Variants in MAST2 observed in about 807,000 individuals in gnomAD.
MAST2 encodes the protein microtubule-associated serine/threonine-protein kinase 2.
A neutral mutation model predicts 147.4 loss-of-function variants in MAST2; 70 were observed. That is an observed-to-expected ratio of 0.47 (90% CI 0.39 to 0.58). The LOEUF is 0.58. Among genes scored for constraint, MAST2 ranks in the 20% least tolerant of loss-of-function variants. MAST2 has a pLI of 0.00. For synonymous variants in MAST2, 869 were observed against 896.8 expected (o/e 0.97, Z 0.55); for missense variants, 2,080 against 2,302.3 (o/e 0.90, Z 1.98).
intron 4 of MAST2, among the ~76,000 whole-genome samples, chr1:45,917,097 T>C (rs909245238): frequency 9.2e-5 from 14 of 152,134 alleles, no homozygotes; most frequent in African/African-American, 3.4e-4. Flanking sequence ...AAAATAAAAA[T>C]AAATAACAAA....
At chr1:45,835,012 A>G (rs1290291932) in intron 3 of MAST2, among the ~76,000 whole-genome samples, 3 of 151,866 alleles carry the variant, frequency 2.0e-5, no homozygotes, top group African/African-American at 7.3e-5. Flanking sequence ...TTCCATTTGT[A>G]CACAGTTCTT....
intron 1 of MAST2, among the ~76,000 whole-genome samples, chr1:45,823,206 T>C (rs1260974313): frequency 6.6e-6 from 1 of 150,714 alleles, no homozygotes; most frequent in South Asian, 2.1e-4. Flanking sequence ...TTTTTTTCTT[T>C]TTTTTTTTTT....
chr1:46,021,662 TG>T (rs1420733848), intron 11 of MAST2, among the ~76,000 whole-genome samples: 1 of 152,248 alleles, frequency 6.6e-6, no homozygotes, highest in African/African-American at 2.4e-5. Context: ...ATGGAAAGCA[TG>T]GGACCAGATC....
chr1:46,028,739 C>A (rs1371419106), intron 17 of MAST2, 29 bp from the exon 18 acceptor site: 1 of 1,613,340 alleles, frequency 6.2e-7, no homozygotes, highest in East Asian at 2.2e-5. Context: ...CCTCAGGAGG[C>A]TGAGCCAGCC....
chr1:46,011,084 A>G, intron 10 of MAST2, 145 bp downstream of exon 10: 1 of 673,060 alleles, frequency 1.5e-6, no homozygotes. Flanking sequence ...TGAGGGACTT[A>G]GATTCCTCCT....
intron 5 of MAST2, among the ~76,000 whole-genome samples, chr1:45,995,206 C>T (rs1645010391): frequency 2.0e-5 from 3 of 152,166 alleles, no homozygotes; most frequent in African/African-American, 7.2e-5. Context: ...GAGAAATCTG[C>T]TATAATCCTT....
chr1:45,840,523 CTGT>C (rs1207820011), intron 3 of MAST2, among the ~76,000 whole-genome samples: 1 of 152,170 alleles, frequency 6.6e-6, no homozygotes, highest in Non-Finnish European at 1.5e-5. Context: ...CTTTAAGCCT[CTGT>C]TTTCTCATCT....
At chr1:45,822,437 G>A (rs540490983) in intron 1 of MAST2, among the ~76,000 whole-genome samples, 52 of 152,144 alleles carry the variant, frequency 3.4e-4, no homozygotes, top group African/African-American at 1.1e-3. Context: ...CCTCTCCTCT[G>A]TTATCTGGTT....
intron 8 of MAST2, 77 bp downstream of exon 8, chr1:46,006,472 A>G (rs113995555): frequency 0.024 from 34,018 of 1,445,528 alleles, 531 homozygotes; most frequent in Non-Finnish European, 0.028. Flanking sequence ...TGGGCACACT[A>G]TGCTATAAGG....
chr1:45,890,418 G>C (rs976764888), intron 4 of MAST2, among the ~76,000 whole-genome samples: 8 of 152,366 alleles, frequency 5.3e-5, no homozygotes, highest in Middle Eastern at 6.8e-3. Context: ...CTGGCTTGCA[G>C]AGAGTGGCCT....
chr1:45,841,440 CAT>C (rs1230317145), intron 3 of MAST2, among the ~76,000 whole-genome samples: 2 of 151,574 alleles, frequency 1.3e-5, no homozygotes, highest in Admixed American at 6.6e-5. Context: ...GAAATATATA[CAT>C]ATATATATTT....
chr1:45,828,037 C>T (rs759957030), intron 2 of MAST2, among the ~76,000 whole-genome samples: 12 of 151,854 alleles, frequency 7.9e-5, no homozygotes, highest in Non-Finnish European at 1.3e-4. Flanking sequence ...TGCTATGTAG[C>T]GGAGGCTGGT....
Position 46,033,933 on chromosome 1 carries a change from A to G in MAST2, c.3669A>G (p.Gln1223=). Residue 1223 remains glutamine (Q), a synonymous_variant, in exon 27 of 29, where the codon CAA becomes CAG. Coordinates refer to ENST00000361297, the MANE Select transcript of MAST2 (RefSeq NM_015112.3). ...RSKRSRGKDG[Q]ESRKRSSLFR... ...AGAGGAGCCGCGGCAAGGATGGGCAAGAAAGGTGAGCCAGGCGCAGTGAAG... is the reference window on the plus strand; with the variant it reads ...AGAGGAGCCGCGGCAAGGATGGGCAGGAAAGGTGAGCCAGGCGCAGTGAAG... 1 of 1,614,064 alleles carries G rather than the reference A, an allele frequency of 6.2e-7. No homozygotes were observed. Among genetic ancestry groups the G allele is most frequent in the Non-Finnish European group, 8.5e-7 (1 of 1,179,932 alleles).
intron 7 of MAST2, among the ~76,000 whole-genome samples, chr1:46,004,361 CAA>C (rs60013733): frequency 0.033 from 3,756 of 113,256 alleles, 108 homozygotes; most frequent in East Asian, 0.083. Context: ...AAGACTATCT[CAA>C]AAAAAAAAAA....
At chr1:45,943,011 G>A (rs1421455730) in intron 4 of MAST2, among the ~76,000 whole-genome samples, 3 of 152,168 alleles carry the variant, frequency 2.0e-5, no homozygotes, top group South Asian at 2.1e-4. Flanking sequence ...CCCCAATTCT[G>A]TCCTGGAGAA....
intron 3 of MAST2, among the ~76,000 whole-genome samples, chr1:45,874,848 A>G (rs1189367567): frequency 3.9e-5 from 6 of 152,262 alleles, no homozygotes; most frequent in African/African-American, 9.6e-5. Flanking sequence ...TGGATAATAT[A>G]TGGAAGGAGG....
intron 4 of MAST2, among the ~76,000 whole-genome samples, chr1:45,888,698 T>TTTTTTTTTTTTG (rs1647214492): frequency 1.2e-5 from 1 of 80,666 alleles, no homozygotes; most frequent in Non-Finnish European, 2.4e-5. Flanking sequence ...TTTTTTTTTT[T>TTTTTTTTTTTTG]TGAGATGGAG....
chr1:45,871,961 TCAAGTGATCCTCCCA>T (rs1646409873), intron 3 of MAST2, among the ~76,000 whole-genome samples: 1 of 152,186 alleles, frequency 6.6e-6, no homozygotes, highest in Non-Finnish European at 1.5e-5. Context: ...AACTCTGGGC[TCAAGTGATCCTCCCA>T]CCGTGGCCTC....
chr1:45,899,996 C>T (rs1018693772), intron 4 of MAST2, among the ~76,000 whole-genome samples: 62 of 151,138 alleles, frequency 4.1e-4, no homozygotes, highest in African/African-American at 1.5e-3. Flanking sequence ...ATGGTAAAAC[C>T]CTGTCTCTAC....
Sources: gnomAD v4.1 joint callset for allele counts (sites outside exome capture counted in the v4.1 genomes callset) on GRCh38, gnomAD v4.1.1 for gene constraint, MANE v1.5 for transcripts, NCBI Gene and HGNC (gene_info 2026-07-23, HGNC 2026-07-21) for gene names.